Variants in NCOA1 observed in about 807,000 individuals in gnomAD.
NCOA1 encodes nuclear receptor coactivator 1, also known as Hin-2 protein.
In NCOA1, 35 loss-of-function variants were observed where a neutral mutation model predicts 150.9. The ratio of observed to expected loss-of-function variants is 0.23; its 90% CI spans 0.18 to 0.31. The LOEUF (loss-of-function observed/expected upper bound fraction) is 0.31. NCOA1 is among the 10% of genes least tolerant of loss of function. The pLI, the probability that NCOA1 is intolerant of heterozygous loss-of-function variation, is 1.00. For missense variants in NCOA1, 1,491 were observed against 1,749.3 expected (o/e 0.85, Z 2.63); for synonymous variants, 590 against 630.0 (o/e 0.94, Z 0.95).
chr2:24,715,996 T>C (rs1475545913), intron 14 of NCOA1, among the ~76,000 whole-genome samples: 1 of 151,650 alleles, frequency 6.6e-6, no homozygotes, highest in Admixed American at 6.6e-5. Context: ...TACAAAAAAT[T>C]AGCCGGGCGT....
chr2:24,593,221 G>A (rs542520418), intron 3 of NCOA1, among the ~76,000 whole-genome samples: 1 of 152,188 alleles, frequency 6.6e-6, no homozygotes, highest in South Asian at 2.1e-4. Flanking sequence ...TATTGAGAAG[G>A]GAAAGGAAAC....
intron 21 of NCOA1, among the ~76,000 whole-genome samples, chr2:24,759,408 A>G (rs1664664346): frequency 6.6e-6 from 1 of 152,234 alleles, no homozygotes; most frequent in African/African-American, 2.4e-5. Flanking sequence ...ATTAATGTTA[A>G]GGGGATATTT....
At chr2:24,736,433 G>A (rs989772795) in intron 17 of NCOA1, among the ~76,000 whole-genome samples, 3 of 152,010 alleles carry the variant, frequency 2.0e-5, no homozygotes, top group Non-Finnish European at 2.9e-5. Flanking sequence ...GTCCAGATAC[G>A]TATGTGTTAG....
At chr2:24,593,340 C>T (rs1455829748) in intron 3 of NCOA1, among the ~76,000 whole-genome samples, 3 of 152,062 alleles carry the variant, frequency 2.0e-5, no homozygotes, top group East Asian at 1.9e-4. Context: ...GGGGAAAGCA[C>T]ACTCTTAGGT....
chr2:24,666,095 TCCAC>T (rs1342247439), intron 6 of NCOA1, among the ~76,000 whole-genome samples, 180 bp downstream of exon 6: 1 of 151,740 alleles, frequency 6.6e-6, no homozygotes, highest in East Asian at 1.9e-4. Flanking sequence ...CACTGCAAGC[TCCAC>T]CTCCTGGGTT....
chr2:24,657,180 T>A (rs1046302773), intron 4 of NCOA1, among the ~76,000 whole-genome samples: 1 of 152,194 alleles, frequency 6.6e-6, no homozygotes, highest in Non-Finnish European at 1.5e-5. Context: ...TCTAGTTGAC[T>A]CCTTATCAGG....
At chr2:24,623,368 A>T (rs945629624) in intron 3 of NCOA1, among the ~76,000 whole-genome samples, 3 of 152,162 alleles carry the variant, frequency 2.0e-5, no homozygotes, top group Non-Finnish European at 4.4e-5. Flanking sequence ...TATATGGATT[A>T]CCTATGGAAT....
rs1572647503 is a variant in NCOA1, at chr2:24,726,678, A to G, written c.2689A>G (p.Thr897Ala). 1 of 1,610,836 alleles carries G rather than the reference A, an allele frequency of 6.2e-7. No individual in the cohort carries two copies. Among genetic ancestry groups the G allele is most frequent in the African/African-American group, 1.3e-5 (1 of 74,884 alleles). The change falls in exon 15 of 23, where the codon ACA (threonine) becomes GCA (alanine). Residue 897 changes from threonine to alanine, a missense_variant. Transcript: ENST00000348332. The stretch of plus-strand genomic sequence containing the variant: ...GATTCCATGGACAAATAATACAGTG[A>G]CAGCTATAAATCAGAGTAAATCAGA... ...DQIPWTNNTV[T>A]AINQSKSEDQ... is the part of the protein sequence containing the mutation.
chr2:24,523,498 C>T (rs991735086), intron 1 of NCOA1, among the ~76,000 whole-genome samples: 12 of 146,866 alleles, frequency 8.2e-5, no homozygotes, highest in East Asian at 2.0e-4. Context: ...TCCAGCTACT[C>T]GGGAGGCTGA....
intron 7 of NCOA1, among the ~76,000 whole-genome samples, chr2:24,674,536 G>A (rs1351910883): frequency 6.6e-6 from 1 of 151,992 alleles, no homozygotes; most frequent in East Asian, 1.9e-4. Context: ...TAAAATAAAG[G>A]TAGCACGGGT....
At chr2:24,651,743 A>C (rs1203906676) in intron 4 of NCOA1, among the ~76,000 whole-genome samples, 7 of 152,134 alleles carry the variant, frequency 4.6e-5, no homozygotes, top group Non-Finnish European at 8.8e-5. Flanking sequence ...ACACATCTCC[A>C]AATAAGACAT....
chr2:24,724,727 G>A (rs2148631560), intron 14 of NCOA1, among the ~76,000 whole-genome samples: 1 of 152,044 alleles, frequency 6.6e-6, no homozygotes, highest in East Asian at 1.9e-4. Flanking sequence ...ACAGTGGACA[G>A]CCATGTAAAT....
rs1673502013 is a variant in NCOA1 at position 24,707,378 on chromosome 2, T to G, written c.1908T>G (p.Leu636=). 6.2e-7 allele frequency: 1 copy of G among 1,614,082 alleles called. No homozygotes were observed. Among genetic ancestry groups the G allele is most frequent in the African/African-American group, 1.3e-5 (1 of 74,922 alleles). ...AAACCAGTCACAAACTAGTGCAGCTTTTGACAACAACTGCCGAACAGCAGT... is the reference window on the plus strand; with the variant it reads ...AAACCAGTCACAAACTAGTGCAGCTGTTGACAACAACTGCCGAACAGCAGT... ...YSQTSHKLVQ[L]LTTTAEQQLR... Residue 636 remains leucine (L), a synonymous_variant, in exon 13 of 23, where the codon CTT becomes CTG. Transcript: ENST00000348332.
chr2:24,555,016 C>T (rs928160627), intron 1 of NCOA1, among the ~76,000 whole-genome samples: 32 of 151,912 alleles, frequency 2.1e-4, no homozygotes, highest in South Asian at 2.1e-4. Context: ...ATTTAGGACA[C>T]AGACACACAC....
Position 24,624,169 on chromosome 2 carries a change from G to A in NCOA1, c.-174-19797G>A, listed in dbSNP as rs534021849. Among the ~76,000 whole-genome samples, 11 of 151,808 alleles carry A rather than the reference G, an allele frequency of 7.2e-5. No individual in the cohort carries two copies. In the South Asian group the frequency reaches 2.3e-3, roughly 32 times the overall value. ...TTTTCTTTGTTACTCCATAATTGCAGTAAAGAAAAAAAATGGGTTATTAAA... is the reference window on the plus strand; with the variant it reads ...TTTTCTTTGTTACTCCATAATTGCAATAAAGAAAAAAAATGGGTTATTAAA... On this transcript the variant is annotated intron_variant, in intron 3 of 22. Coordinates refer to ENST00000348332, the MANE Select transcript of NCOA1 (RefSeq NM_003743.5).
rs769781445 is a variant in NCOA1 at position 24,697,815 on chromosome 2, C to G, written c.949+17C>G. ...TCCAAGAAGGTAAAATTTTCTCTCT[C>G]AATTATTTTCATTAACCCTTATCTT... On this transcript the variant is annotated intron_variant, in intron 11 of 22. Transcript: ENST00000348332. 1.2e-6 allele frequency: 2 copies of G among 1,603,532 alleles called. No individual in the cohort carries two copies. Among genetic ancestry groups the G allele is most frequent in the East Asian group, 2.2e-5 (1 of 44,774 alleles).
chr2:24,690,170 T>TA (rs1000289912), intron 8 of NCOA1, among the ~76,000 whole-genome samples: 8 of 152,290 alleles, frequency 5.3e-5, no homozygotes, highest in African/African-American at 1.9e-4. Flanking sequence ...TCTTTTATTT[T>TA]AAAAAATGAG....
At chr2:24,569,364 A>G (rs1666642375) in intron 2 of NCOA1, among the ~76,000 whole-genome samples, 3 of 152,144 alleles carry the variant, frequency 2.0e-5, no homozygotes, top group Non-Finnish European at 2.9e-5. Context: ...TTCAAGGGAC[A>G]TAACTTACCT....
At chr2:24,552,229 T>G (rs1186692208) in intron 1 of NCOA1, among the ~76,000 whole-genome samples, 1 of 149,218 alleles carries the variant, frequency 6.7e-6, no homozygotes, top group Non-Finnish European at 1.5e-5. Flanking sequence ...GGGGGAAAAT[T>G]GACATCTTAA....
Sources: gnomAD v4.1 joint callset for allele counts (sites outside exome capture counted in the v4.1 genomes callset) on GRCh38, gnomAD v4.1.1 for gene constraint, MANE v1.5 for transcripts, NCBI Gene and HGNC (gene_info 2026-07-23, HGNC 2026-07-21) for gene names.